The following COL14A1 variants were observed in gnomAD, a reference collection of about 807,000 sequenced individuals.
The protein encoded by COL14A1 is collagen type XIV alpha 1 chain, also known as collagen alpha-1(XIV) chain.
A neutral mutation model predicts 230.3 loss-of-function variants in COL14A1; 136 were observed. The observed-to-expected ratio is 0.59, with a 90% CI of 0.51 to 0.68. The LOEUF is 0.68. COL14A1 is among the 30% of genes least tolerant of loss of function. The pLI is 0.00. For missense variants in COL14A1, 1,976 were observed against 2,215.8 expected, an observed-to-expected ratio of 0.89 and a Z score of 2.17; for synonymous variants, 792 against 784.1, an observed-to-expected ratio of 1.01 and a Z score of -0.17.
At chr8:120,328,194 T>C (rs1821748133) in intron 40 of COL14A1, among the ~76,000 whole-genome samples, 1 of 152,158 alleles carries the variant, frequency 6.6e-6, no homozygotes, top group Non-Finnish European at 1.5e-5. Context: ...GGATATTGTT[T>C]AGGTAGAATT....
chr8:120,264,081 T>A (rs1323580324), intron 24 of COL14A1, among the ~76,000 whole-genome samples: 1 of 152,172 alleles, frequency 6.6e-6, no homozygotes, highest in Non-Finnish European at 1.5e-5. Flanking sequence ...TCAGGACGTT[T>A]CCATCAACCC....
At chr8:120,293,615 G>A (rs1341795357) in intron 34 of COL14A1, among the ~76,000 whole-genome samples, 1 of 151,778 alleles carries the variant, frequency 6.6e-6, no homozygotes, top group Non-Finnish European at 1.5e-5. Flanking sequence ...ATAAGAGACT[G>A]TATCCAACTT....
rs1278133837 is a variant in COL14A1, at chr8:120,125,343, C to T, written c.-38+3C>T. 6.6e-6 allele frequency: 1 copy of T among 152,330 alleles called. No homozygotes were observed. The highest frequency in any genetic ancestry group is 1.5e-5 in the Non-Finnish European group (1 of 68,112). 9.4% of individuals were successfully genotyped at this position (152,330 alleles called of 1,614,324 possible). On this transcript the variant is annotated splice_donor_region_variant and intron_variant, in intron 1 of 47. Coordinates refer to ENST00000297848, the MANE Select transcript of COL14A1 (RefSeq NM_021110.4). ...GGCTGGAACCTTGCCCAGCACAGGT[C>T]AGTTCGTCTTTCTCTGCTCTTCTTT...
chr8:120,371,095 A>G (rs1823570509), intron 47 of COL14A1, 57 bp from the exon 48 acceptor site: 3 of 1,408,940 alleles, frequency 2.1e-6, no homozygotes, highest in Non-Finnish European at 2.9e-6. Flanking sequence ...TGAGGGGAGA[A>G]TATCAATTTA....
chr8:120,303,756 A>C (rs6983911), intron 36 of COL14A1, among the ~76,000 whole-genome samples: 82,116 of 151,990 alleles, frequency 0.54, 23,990 homozygotes, highest in African/African-American at 0.79. Flanking sequence ...ACCTCATAGA[A>C]TGAGTTGAGG....
intron 43 of COL14A1, 45 bp from the exon 44 acceptor site, chr8:120,342,335 C>T (rs1822328803): frequency 6.3e-7 from 1 of 1,584,988 alleles, no homozygotes; most frequent in Non-Finnish European, 8.7e-7. Context: ...GGTAGTGTGG[C>T]TGGGCTTGTA....
rs773268423 is a variant in COL14A1 at position 120,247,639 on chromosome 8, C to T, written c.2506C>T (p.Arg836Trp). The stretch of plus-strand genomic sequence containing the variant: ...ACCATCCTCGGGGCCCCAGAACTTG[C>T]GGGTGTCCGAGGAATGGTATAACCG... ...TLPSSGPQNL[R>W]VSEEWYNRLR... The change falls in exon 21 of 48, where the codon CGG (arginine) becomes TGG (tryptophan). Residue 836 changes from arginine (R) to tryptophan (W), a missense_variant. Arg to Trp is a moderately radical substitution (Grantham distance 101). Coordinates refer to ENST00000297848, the MANE Select transcript of COL14A1 (RefSeq NM_021110.4). 2.4e-5 allele frequency: 39 copies of T among 1,613,872 alleles called. No homozygotes were observed. The highest frequency in any genetic ancestry group is 3.3e-5 in the South Asian group (3 of 91,050).
chr8:120,296,054 C>T (rs1316860086), intron 34 of COL14A1, among the ~76,000 whole-genome samples: 3 of 151,754 alleles, frequency 2.0e-5, no homozygotes, highest in Non-Finnish European at 2.9e-5. Context: ...TTTGACATTA[C>T]TTTTGCACCA....
chr8:120,203,163 T>C (rs535454057), intron 8 of COL14A1, among the ~76,000 whole-genome samples: 5 of 152,074 alleles, frequency 3.3e-5, no homozygotes, highest in South Asian at 2.1e-4. Flanking sequence ...TATTAAGTCA[T>C]CTTCCTGTTA....
chr8:120,360,996 A>G (rs1407826315), intron 45 of COL14A1, among the ~76,000 whole-genome samples: 1 of 152,074 alleles, frequency 6.6e-6, no homozygotes, highest in Non-Finnish European at 1.5e-5. Flanking sequence ...CCCTGCTTCT[A>G]GTAGACAATC....
At chr8:120,301,345 C>A (rs1320208752) in intron 36 of COL14A1, among the ~76,000 whole-genome samples, 1 of 152,052 alleles carries the variant, frequency 6.6e-6, no homozygotes, top group Non-Finnish European at 1.5e-5. Context: ...CTGCTCCTTT[C>A]TCTCCTTCCA....
chr8:120,356,237 A>G (rs143915320), intron 45 of COL14A1, among the ~76,000 whole-genome samples: 1 of 152,334 alleles, frequency 6.6e-6, no homozygotes, highest in East Asian at 1.9e-4. Flanking sequence ...ATGTTATGTG[A>G]TGCTCATAAA....
At chr8:120,189,358 C>T (rs182318610) in intron 5 of COL14A1, among the ~76,000 whole-genome samples, 2 of 152,114 alleles carry the variant, frequency 1.3e-5, no homozygotes, top group African/African-American at 2.4e-5. Context: ...CAAGTGAGTA[C>T]GTACTAGTCT....
chr8:120,290,389 A>G (rs904966944), intron 34 of COL14A1, among the ~76,000 whole-genome samples: 1 of 111,556 alleles, frequency 9.0e-6, no homozygotes, highest in Non-Finnish European at 1.8e-5. Context: ...CCCATCACTC[A>G]TTACCCACAA....
rs187303220 is a variant in COL14A1 at position 120,257,483 on chromosome 8, G to A, written c.2869+2127G>A. Among the ~76,000 whole-genome samples the A allele has an allele frequency of 2.0e-3, 302 of 152,204 alleles. 1 individual carries two copies. Among genetic ancestry groups the A allele is most frequent in the African/African-American group, 7.0e-3 (289 of 41,532 alleles). On this transcript the variant is annotated intron_variant, in intron 23 of 47. Transcript: ENST00000297848. ...GGGGGTGGCAGTAGGAAATGTGTTT[G>A]GATAGTTTAACTCATACAAATTAGA... is the stretch of plus-strand genomic sequence containing the variant.
intron 37 of COL14A1, 57 bp from the exon 38 acceptor site, chr8:120,313,875 C>G: frequency 9.8e-7 from 1 of 1,019,670 alleles, no homozygotes; most frequent in Non-Finnish European, 1.4e-6. Flanking sequence ...GAAATATTTT[C>G]TAGATGTCAG....
At chr8:120,329,338 T>C (rs1025044747) in intron 40 of COL14A1, among the ~76,000 whole-genome samples, 1 of 152,120 alleles carries the variant, frequency 6.6e-6, no homozygotes, top group African/African-American at 2.4e-5. Flanking sequence ...CTGGGTGCAA[T>C]GCTCATGCCT....
intron 21 of COL14A1, 38 bp downstream of exon 21, chr8:120,247,773 T>C (rs1818811053): frequency 1.9e-6 from 3 of 1,601,848 alleles, no homozygotes; most frequent in South Asian, 2.2e-5. Flanking sequence ...ATACCATGAG[T>C]AGTCACTTAA....
At chr8:120,222,503 G>T (rs182903088) in intron 14 of COL14A1, among the ~76,000 whole-genome samples, 1 of 152,106 alleles carries the variant, frequency 6.6e-6, no homozygotes, top group Non-Finnish European at 1.5e-5. Flanking sequence ...ATATCCATGT[G>T]TGACCCCTCA....
Sources: allele counts gnomAD v4.1 joint callset (sites outside exome capture counted in the v4.1 genomes callset), GRCh38; gene constraint gnomAD v4.1.1; transcripts MANE v1.5; gene names NCBI Gene and HGNC (gene_info 2026-07-23, HGNC 2026-07-21).